Variants in CDH18 observed in about 807,000 individuals in gnomAD.
CDH18 encodes cadherin 18, also known as cadherin-18.
In CDH18, 31 loss-of-function variants were observed where a neutral mutation model predicts 67.9. That is an observed-to-expected ratio of 0.46 (90% CI 0.34 to 0.62). The LOEUF is 0.62. CDH18 is among the 20% of genes least tolerant of loss of function. The pLI, the probability that CDH18 is intolerant of heterozygous loss-of-function variation, is 0.01. For synonymous variants in CDH18, 362 were observed against 347.2 expected (o/e 1.04, Z -0.48); for missense variants, 890 against 975.5 (o/e 0.91, Z 1.17).
chr5:19,671,784 T>G (rs1371094829), intron 5 of CDH18, among the ~76,000 whole-genome samples: 2 of 152,080 alleles, frequency 1.3e-5, no homozygotes, highest in Non-Finnish European at 2.9e-5. Flanking sequence ...AACCTAATTT[T>G]GAAAATTAAA....
chr5:20,279,932 A>T (rs1004722028), intron 1 of CDH18, among the ~76,000 whole-genome samples: 1 of 151,924 alleles, frequency 6.6e-6, no homozygotes, highest in African/African-American at 2.4e-5. Flanking sequence ...TGTTCTCCTC[A>T]GCATACAGAT....
intron 3 of CDH18, among the ~76,000 whole-genome samples, chr5:19,763,227 T>C (rs1817997): frequency 0.96 from 146,624 of 152,302 alleles, 70,805 homozygotes; most frequent in Middle Eastern, 1. Context: ...TGCACATGTA[T>C]CCTAGGACTT....
intron 10 of CDH18, among the ~76,000 whole-genome samples, chr5:19,514,489 AC>A (rs1276275001): frequency 1.3e-5 from 2 of 152,146 alleles, no homozygotes; most frequent in Non-Finnish European, 2.9e-5. Context: ...CTATTTCTCC[AC>A]ATCCTCTCCA....
At chr5:19,604,530 A>AACACACAC (rs4002268) in intron 6 of CDH18, among the ~76,000 whole-genome samples, 350 of 145,186 alleles carry the variant, frequency 2.4e-3, no homozygotes, top group African/African-American at 8.1e-3. Context: ...TTCAAATTAA[A>AACACACAC]ACACACACAC....
intron 6 of CDH18, among the ~76,000 whole-genome samples, chr5:19,604,477 T>C (rs1374511789): frequency 6.6e-6 from 1 of 151,710 alleles, no homozygotes. Flanking sequence ...TAATCTCCAC[T>C]TTAAATGTTT....
At chr5:19,821,323 T>C (rs530700358) in intron 3 of CDH18, among the ~76,000 whole-genome samples, 1 of 149,462 alleles carries the variant, frequency 6.7e-6, no homozygotes, top group Admixed American at 6.7e-5. Flanking sequence ...GCCACAACAA[T>C]AGACTAGACC....
chr5:20,094,117 C>A (rs7724064), intron 2 of CDH18, among the ~76,000 whole-genome samples: 3,585 of 152,128 alleles, frequency 0.024, 140 homozygotes, highest in African/African-American at 0.077. Context: ...CCTAGAAAAC[C>A]ACAAAATGAG....
intron 2 of CDH18, among the ~76,000 whole-genome samples, chr5:20,151,200 C>T (rs973799297): frequency 5.9e-5 from 9 of 151,908 alleles, no homozygotes; most frequent in African/African-American, 2.2e-4. Context: ...TATATGTGCT[C>T]AATGTTTAGC....
At chr5:20,298,568 C>T (rs138936170) in intron 1 of CDH18, among the ~76,000 whole-genome samples, 46 of 152,102 alleles carry the variant, frequency 3.0e-4, no homozygotes, top group Middle Eastern at 6.8e-3. Flanking sequence ...TACATAGATA[C>T]GACTTTGGCT....
intron 1 of CDH18, among the ~76,000 whole-genome samples, chr5:20,499,794 T>C (rs376686680): frequency 1.5e-3 from 222 of 152,258 alleles, no homozygotes; most frequent in African/African-American, 5.1e-3. Flanking sequence ...AATCAATAAA[T>C]GTTCACGTGT....
At chr5:19,895,614 T>G (rs1289880116) in intron 2 of CDH18, among the ~76,000 whole-genome samples, 1 of 152,136 alleles carries the variant, frequency 6.6e-6, no homozygotes, top group East Asian at 1.9e-4. Context: ...ATAACTGAAG[T>G]GTCCTTCCAC....
At chr5:20,494,724 T>C (rs1199965773) in intron 1 of CDH18, among the ~76,000 whole-genome samples, 3 of 152,144 alleles carry the variant, frequency 2.0e-5, no homozygotes, top group African/African-American at 4.8e-5. Flanking sequence ...GTCTCATTTC[T>C]TGATGGGCTT....
At chr5:19,584,828 A>AAAAAGG (rs1168408924) in intron 7 of CDH18, among the ~76,000 whole-genome samples, 1 of 149,898 alleles carries the variant, frequency 6.7e-6, no homozygotes, top group Non-Finnish European at 1.5e-5. Flanking sequence ...AAAGAAAAAG[A>AAAAAGG]AAAAGAAAAA....
chr5:19,660,849 C>T (rs540356744), intron 5 of CDH18, among the ~76,000 whole-genome samples: 125 of 151,986 alleles, frequency 8.2e-4, no homozygotes, highest in Non-Finnish European at 1.6e-3. Flanking sequence ...AAGCAGAGGC[C>T]TCAATGTAGC....
chr5:19,911,251 T>C (rs928255649), intron 2 of CDH18, among the ~76,000 whole-genome samples: 4 of 152,106 alleles, frequency 2.6e-5, no homozygotes, highest in African/African-American at 9.7e-5. Context: ...CTGATCTGAT[T>C]CTCATTCTTA....
At chr5:20,383,108 T>A (rs930649786) in intron 1 of CDH18, among the ~76,000 whole-genome samples, 1 of 152,174 alleles carries the variant, frequency 6.6e-6, no homozygotes, top group Admixed American at 6.5e-5. Flanking sequence ...ATATTAGTGA[T>A]ATTTCTTTTT....
chr5:19,777,372 T>A (rs1057499718), intron 3 of CDH18, among the ~76,000 whole-genome samples: 1 of 152,202 alleles, frequency 6.6e-6, no homozygotes, highest in Non-Finnish European at 1.5e-5. Context: ...CCTCAATGCA[T>A]GTTAACAACG....
chr5:19,625,388 T>C (rs1178923279), intron 5 of CDH18, among the ~76,000 whole-genome samples: 1 of 152,146 alleles, frequency 6.6e-6, no homozygotes, highest in Non-Finnish European at 1.5e-5. Flanking sequence ...TGTGTTTTCA[T>C]TGCTGTGCCC....
At chr5:19,916,027 T>G (rs922792149) in intron 2 of CDH18, among the ~76,000 whole-genome samples, 21 of 152,166 alleles carry the variant, frequency 1.4e-4, no homozygotes, top group African/African-American at 5.1e-4. Context: ...ATTGAAGGAT[T>G]CTAGACTTCC....
Sources: allele counts gnomAD v4.1 joint callset (sites outside exome capture counted in the v4.1 genomes callset), GRCh38; gene constraint gnomAD v4.1.1; transcripts MANE v1.5; gene names NCBI Gene and HGNC (gene_info 2026-07-23, HGNC 2026-07-21).